NEAT1: variants seen among roughly 807,000 people sequenced by gnomAD.
NEAT1 encodes the protein MENepsilon/beta.
exon 1 of NEAT1, chr11:65,444,393 C>T (rs1185561544): frequency 2.2e-6 from 1 of 461,564 alleles, no homozygotes; most frequent in South Asian, 1.6e-5. Context: ...AGAAGGCACC[C>T]AGCTCTCACC....
At chr11:65,444,084 G>A (rs1487723468) in exon 1 of NEAT1, 1 of 225,494 alleles carries the variant, frequency 4.4e-6, no homozygotes, top group Non-Finnish European at 9.0e-6. Flanking sequence ...GCACCATAGT[G>A]TGTTTGGAGG....
exon 1 of NEAT1, chr11:65,428,890 C>T (rs1856588132): frequency 6.6e-6 from 1 of 151,530 alleles, no homozygotes; most frequent in Non-Finnish European, 1.5e-5. Context: ...TTTAAAAGTC[C>T]TCAGTAATCT....
At chr11:65,436,675 C>T (rs1469846779) in exon 1 of NEAT1, 4 of 152,192 alleles carry the variant, frequency 2.6e-5, no homozygotes, top group East Asian at 1.9e-4. Flanking sequence ...AGGTAAGCAC[C>T]GCATATCTGT....
At chr11:65,444,957 A>C (rs940222530) in exon 1 of NEAT1, 1 of 192,224 alleles carries the variant, frequency 5.2e-6, no homozygotes, top group Non-Finnish European at 1.1e-5. Context: ...AGGGTGCCGG[A>C]AGTGTCCACA....
exon 1 of NEAT1, chr11:65,442,092 G>A (rs997858940): frequency 4.6e-5 from 7 of 152,172 alleles, no homozygotes; most frequent in African/African-American, 1.4e-4. Context: ...AAGGGTAACA[G>A]TGGACAGTTG....
At chr11:65,436,978 G>T (rs1329061568) in exon 1 of NEAT1, 1 of 151,872 alleles carries the variant, frequency 6.6e-6, no homozygotes, top group Non-Finnish European at 1.5e-5. Flanking sequence ...CCTTCACCCA[G>T]GCTGTGCCCT....
exon 1 of NEAT1, chr11:65,438,442 C>G (rs1224255358): frequency 1.3e-5 from 2 of 152,050 alleles, no homozygotes; most frequent in Non-Finnish European, 2.9e-5. Context: ...AGTATATTTG[C>G]TATGTTGTGC....
At chr11:65,422,989 G>GA (rs34951129) in exon 1 of NEAT1, 1 of 152,334 alleles carries the variant, frequency 6.6e-6, no homozygotes, top group South Asian at 2.1e-4. Flanking sequence ...AGGCTGCATG[G>GA]AAAATATCCG....
chr11:65,442,913 A>C (rs1359802540), exon 1 of NEAT1: 2 of 152,144 alleles, frequency 1.3e-5, no homozygotes. Context: ...TATTTCCTAT[A>C]TGTTTGTGGT....
chr11:65,441,666 C>G (rs1856715973), exon 1 of NEAT1: 1 of 152,074 alleles, frequency 6.6e-6, no homozygotes, highest in African/African-American at 2.4e-5. Flanking sequence ...ATAAGACTTT[C>G]AAGAAATTTA....
exon 1 of NEAT1, chr11:65,442,930 C>A (rs1050624933): frequency 6.6e-6 from 1 of 152,194 alleles, no homozygotes; most frequent in East Asian, 1.9e-4. Context: ...TGGTTTCAGT[C>A]CTGATGTATA....
exon 1 of NEAT1, chr11:65,426,217 C>T (rs1372954928): frequency 1.4e-4 from 22 of 152,070 alleles, no homozygotes; most frequent in Admixed American, 1.4e-3. Context: ...TCGTTGGGAT[C>T]TTTCTGTCTT....
At chr11:65,441,321 ACTT>A in exon 1 of NEAT1, 1 of 152,058 alleles carries the variant, frequency 6.6e-6, no homozygotes, top group South Asian at 2.1e-4. Context: ...GGTTCTGAAA[ACTT>A]TTATTTGTTT....
At chr11:65,434,967 C>G (rs1856646006) in exon 1 of NEAT1, 1 of 152,118 alleles carries the variant, frequency 6.6e-6, no homozygotes, top group African/African-American at 2.4e-5. Context: ...CCCCAGGGTC[C>G]AAGACATATA....
exon 1 of NEAT1, chr11:65,428,741 C>G (rs1424534487): frequency 2.0e-5 from 3 of 152,130 alleles, no homozygotes; most frequent in Non-Finnish European, 4.4e-5. Flanking sequence ...TTTCAGCCTG[C>G]TAGTTAGGAC....
chr11:65,444,694 C>T (rs1415190698), exon 1 of NEAT1: 2 of 352,306 alleles, frequency 5.7e-6, no homozygotes, highest in Non-Finnish European at 1.2e-5. Context: ...GGCTGAGGGT[C>T]CAGGTGGGCT....
exon 1 of NEAT1, chr11:65,433,887 C>G (rs1378300827): frequency 3.3e-5 from 5 of 152,038 alleles, no homozygotes; most frequent in African/African-American, 7.3e-5. Context: ...CCTGCCACCC[C>G]CTAGGCCAAG....
At chr11:65,426,759 G>C (rs1333909319) in exon 1 of NEAT1, 1 of 152,166 alleles carries the variant, frequency 6.6e-6, no homozygotes. Context: ...GGTAATCATT[G>C]GTTTGAAATG....
exon 1 of NEAT1, chr11:65,430,793 A>G (rs1223465498): frequency 6.6e-6 from 1 of 152,174 alleles, no homozygotes; most frequent in Non-Finnish European, 1.5e-5. Context: ...AGAAAGCTAC[A>G]CTTCCTGTTG....
Sources: allele counts gnomAD v4.1 joint callset, GRCh38; gene constraint gnomAD v4.1.1; transcripts MANE v1.5; gene names NCBI Gene and HGNC (gene_info 2026-07-23, HGNC 2026-07-21).